Variants in SNTG2 observed in about 807,000 individuals in gnomAD.
SNTG2 encodes the protein syntrophin gamma 2, also known as gamma-2-syntrophin.
Under a neutral mutation model 70.9 loss-of-function variants are expected in SNTG2, and 74 were observed. The ratio of observed to expected loss-of-function variants is 1.04; its 90% CI spans 0.86 to 1.27. The LOEUF is 1.27. Among genes scored for constraint, SNTG2 ranks in the 50% most tolerant of loss-of-function variants. The pLI is 0.00. For missense variants in SNTG2, 717 were observed against 690.7 expected, an observed-to-expected ratio of 1.04 and a Z score of -0.43; for synonymous variants, 278 against 273.8, an observed-to-expected ratio of 1.02 and a Z score of -0.15.
intron 1 of SNTG2, among the ~76,000 whole-genome samples, chr2:1,079,180 C>T (rs961701871): frequency 1.3e-5 from 2 of 152,212 alleles, no homozygotes; most frequent in Non-Finnish European, 2.9e-5. Context: ...TGCTTTTATT[C>T]CTCCTGGTGA....
At chr2:1,074,457 A>T (rs1663790994) in intron 1 of SNTG2, among the ~76,000 whole-genome samples, 2 of 152,236 alleles carry the variant, frequency 1.3e-5, no homozygotes, top group Non-Finnish European at 2.9e-5. Flanking sequence ...ATCTTAATTA[A>T]AACAGGTAGA....
intron 8 of SNTG2, among the ~76,000 whole-genome samples, chr2:1,206,885 G>A (rs1483997030): frequency 6.6e-6 from 1 of 152,060 alleles, no homozygotes; most frequent in Non-Finnish European, 1.5e-5. Flanking sequence ...ATTTTAAGTG[G>A]TGGTTTTGCA....
chr2:1,182,179 T>C (rs935479447), intron 8 of SNTG2, among the ~76,000 whole-genome samples: 1 of 152,156 alleles, frequency 6.6e-6, no homozygotes, highest in Non-Finnish European at 1.5e-5. Flanking sequence ...ATTGCTGACC[T>C]GATCCTTTGA....
At chr2:1,299,012 C>T (rs183675252) in intron 14 of SNTG2, among the ~76,000 whole-genome samples, 56 of 152,260 alleles carry the variant, frequency 3.7e-4, no homozygotes, top group Middle Eastern at 3.4e-3. Context: ...TGCAGATGGC[C>T]TATTGTGGGA....
chr2:1,096,698 G>A (rs1023090084), intron 2 of SNTG2, among the ~76,000 whole-genome samples: 2 of 152,162 alleles, frequency 1.3e-5, no homozygotes, highest in Admixed American at 1.3e-4. Flanking sequence ...TGTATCTACT[G>A]CATCTTCTTT....
intron 6 of SNTG2, among the ~76,000 whole-genome samples, chr2:1,143,183 A>G (rs1668867520): frequency 6.9e-6 from 1 of 144,844 alleles, no homozygotes; most frequent in South Asian, 2.3e-4. Flanking sequence ...TCAATGCCCT[A>G]ACTGTAGAGA....
chr2:1,289,952 G>T (rs759558482), intron 14 of SNTG2, among the ~76,000 whole-genome samples: 55 of 152,290 alleles, frequency 3.6e-4, no homozygotes, highest in Middle Eastern at 3.4e-3. Flanking sequence ...CCCTGTTGTA[G>T]CATGTCAGAA....
intron 9 of SNTG2, among the ~76,000 whole-genome samples, chr2:1,228,767 C>T (rs914708051): frequency 1.3e-5 from 2 of 152,218 alleles, no homozygotes; most frequent in African/African-American, 4.8e-5. Context: ...GGTTCTTGGT[C>T]TCACTGACTT....
intron 6 of SNTG2, among the ~76,000 whole-genome samples, chr2:1,155,804 C>T (rs1057408229): frequency 2.6e-5 from 4 of 152,096 alleles, no homozygotes; most frequent in Non-Finnish European, 5.9e-5. Flanking sequence ...GAAGATCTAA[C>T]GTGGGAGGGG....
intron 4 of SNTG2, 32 bp downstream of exon 4, chr2:1,098,442 T>TCA (rs1665542113): frequency 3.8e-6 from 6 of 1,594,092 alleles, no homozygotes; most frequent in Non-Finnish European, 5.2e-6. Flanking sequence ...TGTGTATGCA[T>TCA]CACAGCCATT....
intron 6 of SNTG2, chr2:1,158,260 T>TA (rs1670032331): frequency 6.6e-6 from 1 of 152,236 alleles, no homozygotes; most frequent in Non-Finnish European, 1.5e-5. Flanking sequence ...TCACTCAAGT[T>TA]CATGTGAAGG....
At chr2:1,263,368 T>C (rs1678550026) in intron 13 of SNTG2, among the ~76,000 whole-genome samples, 1 of 152,230 alleles carries the variant, frequency 6.6e-6, no homozygotes, top group Admixed American at 6.5e-5. Context: ...TTAATAATTA[T>C]TGACATATTT....
chr2:1,188,785 C>T (rs371201413), intron 8 of SNTG2, among the ~76,000 whole-genome samples: 2 of 152,174 alleles, frequency 1.3e-5, no homozygotes, highest in South Asian at 2.1e-4. Context: ...TTAATAGTAA[C>T]GGGATGGGTT....
intron 8 of SNTG2, among the ~76,000 whole-genome samples, chr2:1,203,710 G>GTA (rs1673449975): frequency 6.6e-6 from 1 of 150,660 alleles, no homozygotes; most frequent in Non-Finnish European, 1.5e-5. Flanking sequence ...GTGTGTGTGT[G>GTA]TGTATGTGTG....
intron 12 of SNTG2, among the ~76,000 whole-genome samples, chr2:1,249,468 C>G (rs1259297691): frequency 3.3e-5 from 5 of 152,064 alleles, no homozygotes; most frequent in Non-Finnish European, 7.4e-5. Context: ...CATTTAATAC[C>G]AGAATATTCT....
chr2:1,155,163 ACG>A (rs1558465246), intron 6 of SNTG2, among the ~76,000 whole-genome samples: 1,068 of 73,696 alleles, frequency 0.014, 12 homozygotes, highest in African/African-American at 0.077. Context: ...ACACACACAC[ACG>A]TAGACCCCCC....
chr2:1,054,268 G>A lies in SNTG2; in HGVS notation c.73-29250G>A, dbSNP rs986765279. Among the ~76,000 whole-genome samples, 18 of 56,550 alleles carry A rather than the reference G, an allele frequency of 3.2e-4. 1 individual carries two copies. The highest frequency in any genetic ancestry group is 2.7e-3 in the Admixed American group (18 of 6,772). 37.1% of individuals were successfully genotyped at this position (56,550 alleles called of 152,430 possible). ...CATCCCTAAGCGTCAGACCTCAGCCGTTCCCACCCAAGAGAGGCGGCCCAC... is the reference window on the plus strand; with the variant it reads ...CATCCCTAAGCGTCAGACCTCAGCCATTCCCACCCAAGAGAGGCGGCCCAC... On this transcript the variant is annotated intron_variant, in intron 1 of 16. Coordinates refer to ENST00000308624, the MANE Select transcript of SNTG2 (RefSeq NM_018968.4).
intron 1 of SNTG2, among the ~76,000 whole-genome samples, chr2:1,014,427 A>G (rs1386919556): frequency 1.1e-5 from 1 of 94,646 alleles, no homozygotes; most frequent in Non-Finnish European, 2.4e-5. Context: ...TGCTCTGGAG[A>G]GGGATTTATA....
intron 1 of SNTG2, among the ~76,000 whole-genome samples, chr2:1,040,978 C>G (rs1175353017): frequency 6.6e-6 from 1 of 152,116 alleles, no homozygotes; most frequent in Non-Finnish European, 1.5e-5. Context: ...AATCAGACGG[C>G]TTTTTGGTGG....
Sources: allele counts gnomAD v4.1 joint callset (sites outside exome capture counted in the v4.1 genomes callset), GRCh38; gene constraint gnomAD v4.1.1; transcripts MANE v1.5; gene names NCBI Gene and HGNC (gene_info 2026-07-23, HGNC 2026-07-21).